The following STK39 variants were observed in gnomAD, a reference collection of about 807,000 sequenced individuals.
STK39 encodes STE20/SPS1-related proline-alanine-rich protein kinase.
A neutral mutation model predicts 77.8 loss-of-function variants in STK39; 20 were observed. The observed-to-expected ratio is 0.26, with a 90% CI of 0.18 to 0.37. The LOEUF (loss-of-function observed/expected upper bound fraction) is 0.37. Ranked by LOEUF, STK39 falls within the 10% of genes least tolerant of loss-of-function variation. The pLI, the probability that STK39 is intolerant of heterozygous loss-of-function variation, is 1.00. For synonymous variants in STK39, 246 were observed against 234.1 expected (o/e 1.05, Z -0.47); for missense variants, 479 against 656.5 (o/e 0.73, Z 2.95).
chr2:168,198,723 G>A (rs901821003), intron 1 of STK39, among the ~76,000 whole-genome samples: 7 of 152,186 alleles, frequency 4.6e-5, no homozygotes, highest in South Asian at 2.1e-4. Flanking sequence ...TAACTTCACC[G>A]AAGACTCAGC....
At chr2:168,020,402 T>C (rs1416053580) in intron 14 of STK39, among the ~76,000 whole-genome samples, 3 of 152,094 alleles carry the variant, frequency 2.0e-5, no homozygotes, top group Admixed American at 2.0e-4. Context: ...ATGTTGAATG[T>C]TACAGACACA....
At position 168,156,185 on chromosome 2, in the gene STK39, A is replaced by G. The variant is rs1174349054; in HGVS notation, c.628+5602T>C. ...AGGAAATGATCATGAAAGGTTTCTC[A>G]AGGAAAGAATTCTTCATGAATAAGT... On this transcript the variant is annotated intron_variant, in intron 5 of 17. Transcript: ENST00000355999. Among the ~76,000 whole-genome samples the G allele has an allele frequency of 2.0e-5, 3 of 152,308 alleles. No homozygotes were observed. In the East Asian group the frequency reaches 5.8e-4, roughly 29 times the overall value.
chr2:168,147,132 G>A (rs1688159869), intron 5 of STK39, among the ~76,000 whole-genome samples: 1 of 152,202 alleles, frequency 6.6e-6, no homozygotes, highest in South Asian at 2.1e-4. Flanking sequence ...TAAAGATCAA[G>A]TTGTGATTAC....
At chr2:168,087,499 G>A (rs1297341431) in intron 10 of STK39, among the ~76,000 whole-genome samples, 1 of 152,218 alleles carries the variant, frequency 6.6e-6, no homozygotes, top group East Asian at 1.9e-4. Context: ...TCAATACGTG[G>A]AAAAGCTTTC....
At chr2:168,011,778 A>G (rs1268101697) in intron 16 of STK39, among the ~76,000 whole-genome samples, 1 of 152,134 alleles carries the variant, frequency 6.6e-6, no homozygotes, top group African/African-American at 2.4e-5. Context: ...TTCAAAGTGA[A>G]ATTCTTCTGC....
At position 168,111,492 on chromosome 2, in the gene STK39, G is replaced by A. The variant is rs533033466; in HGVS notation, c.1089+18049C>T. ...AGTTATTCCTCTGTTTTCAGCCACT[G>A]GTTGTTGCTACTCAGATACCTGCTG... On this transcript the variant is annotated intron_variant, in intron 10 of 17. Coordinates refer to ENST00000355999, the MANE Select transcript of STK39 (RefSeq NM_013233.3). Among the ~76,000 whole-genome samples the A allele has an allele frequency of 3.9e-5, 6 of 152,212 alleles. No homozygotes were observed. In the South Asian group the frequency reaches 1.0e-3, roughly 26 times the overall value.
At chr2:168,095,470 A>G (rs931145310) in intron 10 of STK39, among the ~76,000 whole-genome samples, 3 of 152,072 alleles carry the variant, frequency 2.0e-5, no homozygotes, top group Non-Finnish European at 4.4e-5. Context: ...TGATTCAATG[A>G]TCTACAATTA....
intron 10 of STK39, 71 bp downstream of exon 10, chr2:168,129,470 C>T: frequency 1.9e-6 from 3 of 1,564,026 alleles, no homozygotes; most frequent in Non-Finnish European, 2.6e-6. Flanking sequence ...AAATCTTTTT[C>T]CAATTTTTCT....
intron 1 of STK39, among the ~76,000 whole-genome samples, chr2:168,232,548 C>T (rs1574578458): frequency 1.3e-5 from 2 of 152,150 alleles, no homozygotes; most frequent in African/African-American, 4.8e-5. Context: ...CCTCCTTTTC[C>T]ATAAAGACTG....
intron 16 of STK39, among the ~76,000 whole-genome samples, chr2:168,007,260 T>C (rs1308537139): frequency 6.6e-6 from 1 of 152,228 alleles, no homozygotes; most frequent in Non-Finnish European, 1.5e-5. Flanking sequence ...ACACTTTGAA[T>C]TTTGCAATCT....
At chr2:168,139,405 A>ATTTATATATATATATATAT (rs57900746) in intron 7 of STK39, among the ~76,000 whole-genome samples, 1 of 139,450 alleles carries the variant, frequency 7.2e-6, no homozygotes, top group African/African-American at 2.9e-5. Flanking sequence ...TGTTAAAAAA[A>ATTTATATATATATATATAT]ATTTATATAT....
intron 1 of STK39, among the ~76,000 whole-genome samples, chr2:168,188,184 CTATT>C (rs1267397245): frequency 6.6e-6 from 1 of 152,106 alleles, no homozygotes; most frequent in Non-Finnish European, 1.5e-5. Context: ...TCTTTGAGCT[CTATT>C]TATATCATGT....
intron 10 of STK39, among the ~76,000 whole-genome samples, chr2:168,075,848 A>T (rs16854657): frequency 6.6e-6 from 1 of 152,090 alleles, no homozygotes; most frequent in African/African-American, 2.4e-5. Flanking sequence ...CACTTATGAG[A>T]CCTGTGAGAT....
intron 14 of STK39, among the ~76,000 whole-genome samples, chr2:168,044,356 A>G (rs1685184385): frequency 6.6e-6 from 1 of 152,198 alleles, no homozygotes; most frequent in Non-Finnish European, 1.5e-5. Flanking sequence ...TCAATATGCA[A>G]CTTGAAGTCC....
chr2:168,063,489 G>A lies in STK39; in HGVS notation c.1376+11C>T. 6.2e-7 allele frequency: 1 copy of A among 1,606,644 alleles called. No individual in the cohort carries two copies. The highest frequency in any genetic ancestry group is 8.5e-7 in the Non-Finnish European group (1 of 1,175,822). On this transcript the variant is annotated intron_variant, in intron 14 of 17. Coordinates refer to ENST00000355999, the MANE Select transcript of STK39 (RefSeq NM_013233.3). ...GAAAAACAATGCAGAATAAACAACA[G>A]TATTATTTACCTTAATCTCAAAACG...
At chr2:168,100,064 A>G (rs556924563) in intron 10 of STK39, among the ~76,000 whole-genome samples, 1 of 152,238 alleles carries the variant, frequency 6.6e-6, no homozygotes, top group Non-Finnish European at 1.5e-5. Flanking sequence ...AGCTGGGCTA[A>G]TAAGTATCTC....
intron 14 of STK39, among the ~76,000 whole-genome samples, chr2:168,049,960 C>T (rs1179170023): frequency 1.3e-5 from 2 of 152,204 alleles, no homozygotes; most frequent in Non-Finnish European, 1.5e-5. Flanking sequence ...CAGATCTCTA[C>T]TTGAAAGATT....
chr2:168,077,590 A>G (rs996081983), intron 10 of STK39, among the ~76,000 whole-genome samples: 1 of 152,168 alleles, frequency 6.6e-6, no homozygotes, highest in African/African-American at 2.4e-5. Context: ...ACATTCAAAA[A>G]CCTATGTAGG....
chr2:167,983,477 A>AAGGAAGGAAGG (rs1683481239), intron 16 of STK39, among the ~76,000 whole-genome samples: 116 of 130,794 alleles, frequency 8.9e-4, no homozygotes, highest in African/African-American at 3.2e-3. Context: ...AAAAGAAATG[A>AAGGAAGGAAGG]AAGGAAGGAA....
Sources: gnomAD v4.1 joint callset for allele counts (sites outside exome capture counted in the v4.1 genomes callset) on GRCh38, gnomAD v4.1.1 for gene constraint, MANE v1.5 for transcripts, NCBI Gene and HGNC (gene_info 2026-07-23, HGNC 2026-07-21) for gene names.